FBXO34: variants seen among roughly 807,000 people sequenced by gnomAD.
FBXO34 encodes F-box protein 34, also known as F-box only protein 34.
Under a neutral mutation model 24.5 loss-of-function variants are expected in FBXO34, and 12 were observed. The ratio of observed to expected loss-of-function variants is 0.49; its 90% confidence interval spans 0.31 to 0.79. The LOEUF is 0.79. Among genes scored for constraint, FBXO34 ranks in the 30% least tolerant of loss-of-function variants. The probability of loss-of-function intolerance (pLI) is 0.04; values close to 1 mark genes in which losing one functional copy is unlikely to be tolerated. For synonymous variants in FBXO34, 320 were observed against 311.9 expected (o/e 1.03, Z -0.27); for missense variants, 823 against 857.7 (o/e 0.96, Z 0.51).
At chr14:55,425,192 G>A in the FBXO34 span, among the ~76,000 whole-genome samples, 2 of 152,132 alleles carry the variant, frequency 1.3e-5, no homozygotes, top group African/African-American at 2.4e-5. Flanking sequence ...AAGTATAGGA[G>A]GTCATTGTGG....
intron 1 of FBXO34, among the ~76,000 whole-genome samples, chr14:55,320,255 T>G (rs1489520404): frequency 6.6e-6 from 1 of 152,142 alleles, no homozygotes; most frequent in Non-Finnish European, 1.5e-5. Context: ...AGGTTTATGA[T>G]AAACTTGCTC....
intron 1 of FBXO34, among the ~76,000 whole-genome samples, chr14:55,344,361 G>A (rs1884088445): frequency 6.6e-6 from 1 of 151,284 alleles, no homozygotes; most frequent in African/African-American, 2.4e-5. Context: ...CATGGTCATT[G>A]TGAAAAATTT....
At chr14:55,298,205 G>GT (rs143045616) in intron 1 of FBXO34, among the ~76,000 whole-genome samples, 45,241 of 146,080 alleles carry the variant, frequency 0.31, 7,016 homozygotes, top group Non-Finnish European at 0.34. Context: ...AACACTGTGA[G>GT]TTTTTTTTTT....
intron 1 of FBXO34, among the ~76,000 whole-genome samples, chr14:55,277,487 CTT>C (rs370038388): frequency 6.8e-6 from 1 of 148,050 alleles, no homozygotes; most frequent in African/African-American, 2.5e-5. Flanking sequence ...TGCCTGGCTG[CTT>C]TTTTTTTTAT....
At chr14:55,272,525 C>CTTTTT (rs542675528) in intron 1 of FBXO34, among the ~76,000 whole-genome samples, 1 of 113,592 alleles carries the variant, frequency 8.8e-6, no homozygotes, top group African/African-American at 3.1e-5. Flanking sequence ...AATCAGTTTG[C>CTTTTT]TTTTTTTTTT....
the FBXO34 span, among the ~76,000 whole-genome samples, chr14:55,383,581 AC>A: frequency 6.6e-6 from 1 of 151,474 alleles, no homozygotes; most frequent in African/African-American, 2.4e-5. Context: ...AACAACAACA[AC>A]AACAACAAAA....
rs1407404801 is a variant in FBXO34, at chr14:55,298,974, A to G, written c.-11+27437A>G. On this transcript the variant is annotated intron_variant, in intron 1 of 1. Coordinates refer to ENST00000313833, the MANE Select transcript of FBXO34 (RefSeq NM_017943.4). ...GGCCAAGAAGGCGGCCCACGACAAC[A>G]TGGACATCGATAAAGTTGATGAGTT... 1.8e-5 allele frequency: 29 copies of G among 1,602,250 alleles called. No individual in the cohort carries two copies. In the Admixed American group the frequency reaches 4.5e-4, roughly 25 times the overall value.
chr14:55,340,284 G>C (rs558023051), intron 1 of FBXO34, among the ~76,000 whole-genome samples: 1 of 151,970 alleles, frequency 6.6e-6, no homozygotes, highest in African/African-American at 2.4e-5. Flanking sequence ...TCTCTGTTTC[G>C]CCCTAGCTGG....
chr14:55,283,859 T>A lies in FBXO34; in HGVS notation c.-11+12322T>A, dbSNP rs193194544. Among the ~76,000 whole-genome samples the A allele has an allele frequency of 3.3e-5, 5 of 152,290 alleles. No individual in the cohort carries two copies. The East Asian group carries it at 9.6e-4, about 29-fold the overall frequency. ...AAGTCCAAAAAAATACTAACTTTAC[T>A]GGAGAGTTCACATTTTTGTTTTATT... On this transcript the variant is annotated intron_variant, in intron 1 of 1. Transcript: ENST00000313833.
At chr14:55,309,928 A>C (rs1291958019) in intron 1 of FBXO34, among the ~76,000 whole-genome samples, 1 of 152,084 alleles carries the variant, frequency 6.6e-6, no homozygotes, top group Non-Finnish European at 1.5e-5. Flanking sequence ...GAGTTTTCTG[A>C]TCCTTATCAG....
At chr14:55,304,708 C>T (rs2139722450) in intron 1 of FBXO34, among the ~76,000 whole-genome samples, 1 of 152,142 alleles carries the variant, frequency 6.6e-6, no homozygotes, top group Admixed American at 6.5e-5. Flanking sequence ...CTGTGTTTTC[C>T]AGGCTGGTCT....
intron 1 of FBXO34, among the ~76,000 whole-genome samples, chr14:55,330,704 T>C (rs771305364): frequency 9.2e-5 from 14 of 152,148 alleles, no homozygotes; most frequent in Non-Finnish European, 1.8e-4. Flanking sequence ...GGTGGGAGGA[T>C]GGCTTGAGGC....
chr14:55,351,302 G>T lies in FBXO34; in HGVS notation c.912G>T (p.Arg304Ser). 6.2e-7 allele frequency: 1 copy of T among 1,614,224 alleles called. No individual in the cohort carries two copies. Among genetic ancestry groups the T allele is most frequent in the South Asian group, 1.1e-5 (1 of 91,082 alleles). ...AGCGTGAGCCTGGGAGCCTCTCAAG[G>T]AATAACAGCTTCCGTCGAAATGTGG... ...QGQREPGSLS[R>S]NNSFRRNVGR... Residue 304 changes from arginine to serine, a missense_variant, in exon 2 of 2, where the codon AGG becomes AGT. Coordinates refer to ENST00000313833, the MANE Select transcript of FBXO34 (RefSeq NM_017943.4).
chr14:55,389,575 C>G, the FBXO34 span, among the ~76,000 whole-genome samples: 15 of 152,284 alleles, frequency 9.9e-5, no homozygotes, highest in South Asian at 2.3e-3. Context: ...AAGGGATTCA[C>G]GAGGTCTGAT....
the FBXO34 span, among the ~76,000 whole-genome samples, chr14:55,403,249 A>G: frequency 6.6e-6 from 1 of 152,100 alleles, no homozygotes; most frequent in Non-Finnish European, 1.5e-5. Flanking sequence ...TAGCACACAC[A>G]TATGCCAGCT....
the FBXO34 span, chr14:55,391,133 A>G: frequency 1.6e-4 from 95 of 585,442 alleles, no homozygotes; most frequent in African/African-American, 1.6e-3. Context: ...TTTTGTAACT[A>G]TGGAACATTA....
At chr14:55,363,872 G>T (rs998640741), downstream of FBXO34, among the ~76,000 whole-genome samples, 5 of 145,056 alleles carry the variant, frequency 3.4e-5, no homozygotes, top group African/African-American at 1.0e-4. Context: ...ATGCCTCTGC[G>T]TTTTTTTTTT....
chr14:55,309,865 G>A (rs532457070), intron 1 of FBXO34, among the ~76,000 whole-genome samples: 3 of 152,226 alleles, frequency 2.0e-5, no homozygotes, highest in East Asian at 1.9e-4. Flanking sequence ...TATTCCATTC[G>A]TAATGCATTT....
intron 1 of FBXO34, among the ~76,000 whole-genome samples, chr14:55,273,376 A>G (rs1881223890): frequency 6.6e-6 from 1 of 152,228 alleles, no homozygotes; most frequent in South Asian, 2.1e-4. Context: ...GCTTTCCTGT[A>G]CATGTTATTT....
Sources: gnomAD v4.1 joint callset for allele counts (sites outside exome capture counted in the v4.1 genomes callset) on GRCh38, gnomAD v4.1.1 for gene constraint, MANE v1.5 for transcripts, NCBI Gene and HGNC (gene_info 2026-07-23, HGNC 2026-07-21) for gene names.